Variants in RNF13 observed in about 807,000 individuals in gnomAD.
RNF13 encodes E3 ubiquitin-protein ligase RNF13.
Under a neutral mutation model 37.7 loss-of-function variants are expected in RNF13, and 19 were observed. The ratio of observed to expected loss-of-function variants is 0.50; its 90% CI spans 0.35 to 0.74. The LOEUF (loss-of-function observed/expected upper bound fraction) is 0.74. Ranked by LOEUF, RNF13 falls within the 30% of genes least tolerant of loss-of-function variation. RNF13 has a pLI of 0.01. For synonymous variants in RNF13, 144 were observed against 157.8 expected (o/e 0.91, Z 0.65); for missense variants, 375 against 453.0 (o/e 0.83, Z 1.56).
rs150191536 is a variant in RNF13 at position 149,925,104 on chromosome 3, G to T, written c.700+3877G>T. ...GGTATTGGAGCTTTTAAGAACAGAG[G>T]TATAAAATACTATTATTCCAGGAGA... is the stretch of plus-strand genomic sequence containing the variant. On this transcript the variant is annotated intron_variant, in intron 8 of 9. Coordinates refer to ENST00000392894, the MANE Select transcript of RNF13 (RefSeq NM_183381.3). Among the ~76,000 whole-genome samples, 1,477 of 152,222 alleles carry T rather than the reference G, an allele frequency of 9.7e-3. 25 individuals are homozygous for T. The highest frequency in any genetic ancestry group is 0.034 in the African/African-American group (1,392 of 41,548).
intron 1 of RNF13, chr3:149,814,216 A>G (rs1190813856): frequency 1.3e-5 from 2 of 152,160 alleles, no homozygotes; most frequent in East Asian, 1.9e-4. Flanking sequence ...CCTTTCAACA[A>G]TGATGTGTTT....
chr3:149,936,797 T>A (rs769778393), intron 8 of RNF13, among the ~76,000 whole-genome samples: 2 of 152,142 alleles, frequency 1.3e-5, no homozygotes, highest in Non-Finnish European at 2.9e-5. Flanking sequence ...TACATTTATG[T>A]CTTCATATTG....
At chr3:149,845,979 A>T in intron 1 of RNF13, 32 bp from the exon 2 acceptor site, 1 of 1,189,982 alleles carries the variant, frequency 8.4e-7, no homozygotes, top group Non-Finnish European at 1.2e-6. Context: ...ACAAAGCACC[A>T]GCTCTCAGTT....
At position 149,961,217 on chromosome 3, in the gene RNF13, T is replaced by C; in HGVS notation, c.*113T>C. 1.1e-6 allele frequency: 1 copy of C among 948,986 alleles called. No homozygotes were observed. The highest frequency in any genetic ancestry group is 1.6e-6 in the Non-Finnish European group (1 of 635,452). 58.8% of individuals were successfully genotyped at this position (948,986 alleles called of 1,614,324 possible). ...AGAAATAACTTATTTTTTAGTATTCTACAGTTTAATCAAATTACTGAAACA... is the reference window on the plus strand; with the variant it reads ...AGAAATAACTTATTTTTTAGTATTCCACAGTTTAATCAAATTACTGAAACA... On this transcript the variant is annotated 3_prime_UTR_variant, in exon 10 of 10. Coordinates refer to ENST00000392894, the MANE Select transcript of RNF13 (RefSeq NM_183381.3).
intron 3 of RNF13, among the ~76,000 whole-genome samples, chr3:149,867,484 G>A (rs1711512872): frequency 6.6e-6 from 1 of 151,434 alleles, no homozygotes; most frequent in African/African-American, 2.4e-5. Flanking sequence ...CCAGGATGGT[G>A]TTGATCTCTT....
At chr3:149,923,905 C>T (rs1021123752) in intron 8 of RNF13, among the ~76,000 whole-genome samples, 1 of 151,976 alleles carries the variant, frequency 6.6e-6, no homozygotes, top group Admixed American at 6.6e-5. Flanking sequence ...GAGAATGTCT[C>T]AGTTAACTGT....
chr3:149,860,268 AAAATAT>A (rs1196248807), intron 3 of RNF13, among the ~76,000 whole-genome samples: 54 of 91,674 alleles, frequency 5.9e-4, no homozygotes, highest in African/African-American at 1.9e-3. Context: ...AAAAAAAAAA[AAAATAT>A]ATATATATAT....
At chr3:149,907,285 T>C (rs1192495281) in intron 6 of RNF13, among the ~76,000 whole-genome samples, 3 of 152,226 alleles carry the variant, frequency 2.0e-5, no homozygotes, top group African/African-American at 7.2e-5. Flanking sequence ...AACACCATGT[T>C]AAATAGTAGT....
intron 8 of RNF13, among the ~76,000 whole-genome samples, chr3:149,944,340 G>T (rs1321484262): frequency 1.3e-5 from 2 of 152,076 alleles, no homozygotes; most frequent in Non-Finnish European, 2.9e-5. Flanking sequence ...CCCAGTAATG[G>T]GATTGCTGGG....
chr3:149,851,983 C>T (rs920017054), intron 2 of RNF13, among the ~76,000 whole-genome samples: 4 of 152,214 alleles, frequency 2.6e-5, no homozygotes, highest in Admixed American at 6.5e-5. Flanking sequence ...CAGCTTTTTC[C>T]GTGTATGTAT....
chr3:149,833,104 TTC>T (rs746296698), intron 1 of RNF13, among the ~76,000 whole-genome samples: 1 of 142,222 alleles, frequency 7.0e-6, no homozygotes, highest in East Asian at 2.1e-4. Flanking sequence ...TAACTTATCG[TTC>T]TCTCTCTCTC....
chr3:149,854,579 AGCCTG>A (rs1723463822), intron 3 of RNF13, among the ~76,000 whole-genome samples: 1 of 152,242 alleles, frequency 6.6e-6, no homozygotes, highest in African/African-American at 2.4e-5. Flanking sequence ...AGAGTATCAT[AGCCTG>A]GACAGGCAGT....
At chr3:149,949,728 CTTT>C (rs796954637) in intron 8 of RNF13, among the ~76,000 whole-genome samples, 1 of 142,924 alleles carries the variant, frequency 7.0e-6, no homozygotes, top group Non-Finnish European at 1.5e-5. Context: ...TTCCTTCATT[CTTT>C]TTTTTTTTTT....
intron 1 of RNF13, among the ~76,000 whole-genome samples, chr3:149,844,317 A>G (rs1722439592): frequency 6.6e-6 from 1 of 152,196 alleles, no homozygotes; most frequent in South Asian, 2.1e-4. Context: ...TCCAGAGTAA[A>G]TCAGTGTAAG....
At chr3:149,830,200 G>A (rs562663499) in intron 1 of RNF13, among the ~76,000 whole-genome samples, 224 of 58,664 alleles carry the variant, frequency 3.8e-3, no homozygotes, top group African/African-American at 0.015. Context: ...TAAAAGGGAA[G>A]TGACTTTGGA....
chr3:149,915,768 T>C (rs1717442765), intron 7 of RNF13, among the ~76,000 whole-genome samples: 1 of 152,182 alleles, frequency 6.6e-6, no homozygotes, highest in African/African-American at 2.4e-5. Context: ...CTGATTCTAC[T>C]TACACGAGGT....
chr3:149,930,829 T>TA (rs1719088519), intron 8 of RNF13, among the ~76,000 whole-genome samples: 1 of 152,224 alleles, frequency 6.6e-6, no homozygotes, highest in African/African-American at 2.4e-5. Context: ...TTTCATCTGT[T>TA]ACCAGATTTG....
At chr3:149,819,849 G>C (rs189418619) in intron 1 of RNF13, among the ~76,000 whole-genome samples, 1 of 152,252 alleles carries the variant, frequency 6.6e-6, no homozygotes, top group South Asian at 2.1e-4. Flanking sequence ...TTTAAGAGAA[G>C]GTGTTCCCTG....
At chr3:149,874,241 A>AT (rs1712430605) in intron 4 of RNF13, among the ~76,000 whole-genome samples, 1 of 152,134 alleles carries the variant, frequency 6.6e-6, no homozygotes, top group African/African-American at 2.4e-5. Context: ...ATTCCTAATG[A>AT]TTTCTGTCTT....
Sources: allele counts gnomAD v4.1 joint callset (sites outside exome capture counted in the v4.1 genomes callset), GRCh38; gene constraint gnomAD v4.1.1; transcripts MANE v1.5; gene names NCBI Gene and HGNC (gene_info 2026-07-23, HGNC 2026-07-21).